The following ANKRD31 variants were observed in gnomAD, a reference collection of about 807,000 sequenced individuals.
The protein encoded by ANKRD31 is ankyrin repeat domain 31.
A neutral mutation model predicts 186.0 loss-of-function variants in ANKRD31; 147 were observed. That is an observed-to-expected ratio of 0.79 (90% CI 0.69 to 0.91). ANKRD31 has a LOEUF of 0.91. ANKRD31 is among the 40% of genes least tolerant of loss of function. The probability of loss-of-function intolerance (pLI) is 0.00; values close to 1 mark genes in which losing one functional copy is unlikely to be tolerated. For synonymous variants in ANKRD31, 673 were observed against 736.4 expected (o/e 0.91, Z 1.39); for missense variants, 1,986 against 2,148.8 (o/e 0.92, Z 1.50).
intron 10 of ANKRD31, among the ~76,000 whole-genome samples, chr5:75,183,856 A>G (rs1042797452): frequency 2.6e-5 from 4 of 152,148 alleles, no homozygotes; most frequent in African/African-American, 2.4e-5. Flanking sequence ...TATAGATTCA[A>G]TGCAATCTCT....
intron 22 of ANKRD31, among the ~76,000 whole-genome samples, chr5:75,100,834 G>T (rs544083113): frequency 1.3e-5 from 2 of 152,042 alleles, no homozygotes; most frequent in Non-Finnish European, 2.9e-5. Flanking sequence ...CATCAGATGG[G>T]TCTCCTGAAT....
chr5:75,218,905 C>A (rs958874519), intron 3 of ANKRD31, among the ~76,000 whole-genome samples: 1 of 152,134 alleles, frequency 6.6e-6, no homozygotes, highest in African/African-American at 2.4e-5. Flanking sequence ...CCAACAGATG[C>A]AGAAAAGGCT....
intron 11 of ANKRD31, among the ~76,000 whole-genome samples, chr5:75,156,164 C>T (rs1193899637): frequency 3.3e-5 from 5 of 152,122 alleles, no homozygotes; most frequent in Non-Finnish European, 5.9e-5. Context: ...CTCGGCCTCC[C>T]AAAGTGTTGA....
intron 4 of ANKRD31, 58 bp from the exon 5 acceptor site, chr5:75,206,545 A>T: frequency 1.0e-6 from 1 of 972,246 alleles, no homozygotes; most frequent in Non-Finnish European, 1.4e-6. Flanking sequence ...AGTGTTTCTC[A>T]TTCAAATACA....
chr5:75,212,458 AAAC>A (rs1033103821), intron 3 of ANKRD31, among the ~76,000 whole-genome samples: 5 of 152,046 alleles, frequency 3.3e-5, no homozygotes, highest in Middle Eastern at 3.4e-3. Flanking sequence ...ACAAAAACAA[AAAC>A]AACAACAACA....
intron 23 of ANKRD31, among the ~76,000 whole-genome samples, chr5:75,086,936 G>T (rs1015524111): frequency 2.0e-5 from 3 of 152,198 alleles, no homozygotes; most frequent in African/African-American, 7.2e-5. Flanking sequence ...AGATGACTCA[G>T]CCAGCCAGTA....
chr5:75,228,397 G>A (rs941773139), intron 2 of ANKRD31, among the ~76,000 whole-genome samples: 62 of 152,298 alleles, frequency 4.1e-4, no homozygotes, highest in African/African-American at 1.5e-3. Context: ...GCTGTTGAAT[G>A]TAGAACAATC....
At chr5:75,132,540 A>T (rs1024091293) in intron 17 of ANKRD31, among the ~76,000 whole-genome samples, 1 of 152,204 alleles carries the variant, frequency 6.6e-6, no homozygotes, top group Non-Finnish European at 1.5e-5. Flanking sequence ...TATACATCTG[A>T]TCGGTGTACC....
intron 6 of ANKRD31, among the ~76,000 whole-genome samples, chr5:75,197,880 C>A (rs991729835): frequency 6.6e-6 from 1 of 152,064 alleles, no homozygotes; most frequent in Non-Finnish European, 1.5e-5. Flanking sequence ...CAGAACCAGC[C>A]CAAATTGGCC....
chr5:75,204,577 T>A (rs936126967), intron 5 of ANKRD31, among the ~76,000 whole-genome samples: 4 of 152,224 alleles, frequency 2.6e-5, no homozygotes, highest in Non-Finnish European at 5.9e-5. Context: ...CTTATCATGA[T>A]AGGCAGGGCC....
intron 6 of ANKRD31, among the ~76,000 whole-genome samples, chr5:75,198,939 A>G (rs1483209246): frequency 6.6e-6 from 1 of 152,136 alleles, no homozygotes; most frequent in Non-Finnish European, 1.5e-5. Flanking sequence ...CTGGCTCCTG[A>G]TTTGAGCAAA....
At chr5:75,107,724 T>C (rs757303359) in intron 20 of ANKRD31, 107 bp from the exon 21 acceptor site, 22 of 629,454 alleles carry the variant, frequency 3.5e-5, no homozygotes, top group African/African-American at 5.6e-5. Flanking sequence ...TTATTCCCTA[T>C]GATCTTCCCC....
chr5:75,130,999 AAG>A (rs1168556044), intron 17 of ANKRD31, among the ~76,000 whole-genome samples: 1 of 152,206 alleles, frequency 6.6e-6, no homozygotes, highest in African/African-American at 2.4e-5. Context: ...CGGCCCCACA[AAG>A]AGAGAACGGT....
At chr5:75,080,669 T>C (rs1378990271) in intron 24 of ANKRD31, 30 bp from the exon 25 acceptor site, 1 of 1,491,474 alleles carries the variant, frequency 6.7e-7, no homozygotes, top group African/African-American at 1.4e-5. Flanking sequence ...TTAGTAATAA[T>C]TTTGCTGAAT....
chr5:75,098,026 GT>G lies in ANKRD31; in HGVS notation c.5331+6201del, dbSNP rs1024657967. On this transcript the variant is annotated intron_variant, in intron 22 of 25. Coordinates refer to ENST00000506364, the MANE Select transcript of ANKRD31 (RefSeq NM_001372053.1). ...TGTTCCATTGGTCGTCTATATCTCT[GT>G]TTTTTTTTTTCTTTTGAGACGCAGT... Among the ~76,000 whole-genome samples, 91 of 147,386 alleles carry G rather than the reference GT, an allele frequency of 6.2e-4. 1 individual carries two copies. Among genetic ancestry groups the G allele is most frequent in the East Asian group, 5.0e-3 (25 of 5,040 alleles).
chr5:75,171,682 T>C (rs1753336418), intron 10 of ANKRD31, among the ~76,000 whole-genome samples: 1 of 150,828 alleles, frequency 6.6e-6, no homozygotes, highest in Non-Finnish European at 1.5e-5. Context: ...ATCAATAAAA[T>C]TGAATAATAC....
At chr5:75,079,256 A>G (rs1744897826) in intron 25 of ANKRD31, among the ~76,000 whole-genome samples, 1 of 152,226 alleles carries the variant, frequency 6.6e-6, no homozygotes, top group African/African-American at 2.4e-5. Flanking sequence ...TTTTCTTGAT[A>G]CCATGTATCC....
At chr5:75,222,485 T>G in intron 2 of ANKRD31, 127 bp from the exon 3 acceptor site, 1 of 699,876 alleles carries the variant, frequency 1.4e-6, no homozygotes, top group Non-Finnish European at 2.2e-6. Flanking sequence ...TCTTTTTTCA[T>G]TTCTTCTAAA....
intron 1 of ANKRD31, among the ~76,000 whole-genome samples, chr5:75,235,780 C>CT (rs1334711288): frequency 1.3e-5 from 2 of 152,168 alleles, no homozygotes; most frequent in African/African-American, 4.8e-5. Flanking sequence ...CAGAATCCCC[C>CT]TTTTTTCTCT....
Sources: gnomAD v4.1 joint callset for allele counts (sites outside exome capture counted in the v4.1 genomes callset) on GRCh38, gnomAD v4.1.1 for gene constraint, MANE v1.5 for transcripts, NCBI Gene and HGNC (gene_info 2026-07-23, HGNC 2026-07-21) for gene names.